STK17B: variants seen among roughly 807,000 people sequenced by gnomAD.
The protein encoded by STK17B is serine/threonine kinase 17b.
STK17B carries 21 observed loss-of-function variants against 42.0 expected under a neutral mutation model. The ratio of observed to expected loss-of-function variants is 0.50; its 90% CI spans 0.35 to 0.72. The LOEUF is 0.72. Ranked by LOEUF, STK17B falls within the 30% of genes least tolerant of loss-of-function variation. The probability of loss-of-function intolerance (pLI) is 0.00; values close to 1 mark genes in which losing one functional copy is unlikely to be tolerated. For missense variants in STK17B, 349 were observed against 446.0 expected (o/e 0.78, Z 1.96); for synonymous variants, 143 against 148.4 (o/e 0.96, Z 0.26).
At chr2:196,152,579 A>G (rs1161309581) in intron 3 of STK17B, among the ~76,000 whole-genome samples, 1 of 152,370 alleles carries the variant, frequency 6.6e-6, no homozygotes, top group East Asian at 1.9e-4. Context: ...GACTAAAGCA[A>G]GATCCAACCA....
intron 2 of STK17B, among the ~76,000 whole-genome samples, chr2:196,160,750 C>T (rs1345554476): frequency 6.6e-6 from 1 of 152,156 alleles, no homozygotes; most frequent in Non-Finnish European, 1.5e-5. Flanking sequence ...GTTACTTGGT[C>T]TCTTTCATAA....
At chr2:196,162,399 T>G (rs1699822699) in intron 2 of STK17B, among the ~76,000 whole-genome samples, 1 of 150,696 alleles carries the variant, frequency 6.6e-6, no homozygotes, top group Non-Finnish European at 1.5e-5. Context: ...AATCTCCCTA[T>G]TTCTTCTTCT....
intron 1 of STK17B, among the ~76,000 whole-genome samples, chr2:196,165,351 C>T (rs1472346583): frequency 1.3e-5 from 2 of 152,072 alleles, no homozygotes; most frequent in Admixed American, 6.6e-5. Context: ...TCTGTTAAGT[C>T]GCCTGATCTG....
At chr2:196,155,562 AC>A (rs1407876548) in intron 3 of STK17B, among the ~76,000 whole-genome samples, 1 of 152,026 alleles carries the variant, frequency 6.6e-6, no homozygotes, top group African/African-American at 2.4e-5. Context: ...AGTTAGCAAT[AC>A]ATTTTTTACT....
In STK17B at chr2:196,136,241, T is replaced by C. The variant is rs1699402935; in HGVS notation, c.*1206A>G. 6.6e-6 allele frequency: 1 copy of C among 152,152 alleles called. No homozygotes were observed. The highest frequency in any genetic ancestry group is 1.5e-5 in the Non-Finnish European group (1 of 68,020). The allele number at this position is 152,152 out of a possible 1,614,324, so 9.4% of individuals were successfully genotyped here. A position where few individuals can be genotyped will look rare whatever the true frequency, so the allele number is the denominator to read the frequency against. ...AAAAGATTACCCGAAAAGGACTAAC[T>C]TTCCCCATCATTAGGGCTGGATATA... is the stretch of plus-strand genomic sequence containing the variant. On this transcript the variant is annotated 3_prime_UTR_variant, in exon 8 of 8. Transcript: ENST00000263955.
intron 7 of STK17B, 148 bp downstream of exon 7, chr2:196,139,472 C>A (rs1007247468): frequency 2.4e-5 from 10 of 417,178 alleles, no homozygotes; most frequent in African/African-American, 2.1e-4. Flanking sequence ...ATTGCTCATA[C>A]CACCTATTTT....
Position 196,134,889 on chromosome 2 carries a change from T to C in STK17B, c.*2558A>G, listed in dbSNP as rs568072584. 12 of 152,330 alleles carry C rather than the reference T, an allele frequency of 7.9e-5. No individual in the cohort carries two copies. Among genetic ancestry groups the C allele is most frequent in the African/African-American group, 2.2e-4 (9 of 41,576 alleles). 9.4% of individuals were successfully genotyped at this position (152,330 alleles called of 1,614,324 possible). A position where few individuals can be genotyped will look rare whatever the true frequency, so the allele number is the denominator to read the frequency against. On this transcript the variant is annotated 3_prime_UTR_variant, in exon 8 of 8. Coordinates refer to ENST00000263955, the MANE Select transcript of STK17B (RefSeq NM_004226.4). The stretch of plus-strand genomic sequence containing the variant: ...AATCTTGGGAGAAAAAGAGTAAGAA[T>C]TGAATCATTTGCTAAAAAGCTCTTA...
intron 4 of STK17B, 54 bp downstream of exon 4, chr2:196,145,857 T>C: frequency 6.7e-7 from 1 of 1,501,752 alleles, no homozygotes; most frequent in Admixed American, 2.4e-5. Context: ...CTGTGCATAC[T>C]AAGAGCAGAA....
chr2:196,147,003 G>A (rs1166628523), intron 3 of STK17B, among the ~76,000 whole-genome samples: 3 of 152,166 alleles, frequency 2.0e-5, no homozygotes, highest in East Asian at 3.9e-4. Context: ...ATGAATTATC[G>A]AAACATAAAT....
chr2:196,152,949 T>C (rs993440310), intron 3 of STK17B: 1 of 152,056 alleles, frequency 6.6e-6, no homozygotes, highest in Non-Finnish European at 1.5e-5. Flanking sequence ...TTATTTATTT[T>C]TTATTTTTTT....
chr2:196,148,113 A>G (rs1224053813), intron 3 of STK17B, among the ~76,000 whole-genome samples: 1 of 152,258 alleles, frequency 6.6e-6, no homozygotes. Context: ...TTAAATTTAT[A>G]GTAGTGAACT....
chr2:196,158,297 A>G (rs1305977762), intron 2 of STK17B, among the ~76,000 whole-genome samples: 2 of 152,214 alleles, frequency 1.3e-5, no homozygotes, highest in Non-Finnish European at 2.9e-5. Context: ...CCTACTTTTT[A>G]TTACCCAAAT....
intron 3 of STK17B, among the ~76,000 whole-genome samples, chr2:196,149,163 A>ATTT (rs58482045): frequency 7.0e-6 from 1 of 143,634 alleles, no homozygotes; most frequent in Non-Finnish European, 1.5e-5. Context: ...GATAACAGCT[A>ATTT]TTTTTTTTTT....
At chr2:196,148,652 A>G (rs1324654097) in intron 3 of STK17B, among the ~76,000 whole-genome samples, 1 of 152,172 alleles carries the variant, frequency 6.6e-6, no homozygotes, top group Non-Finnish European at 1.5e-5. Context: ...CACCCCCTAA[A>G]TATATAAAAA....
chr2:196,138,047 C>A (rs1699433031), intron 7 of STK17B, among the ~76,000 whole-genome samples: 1 of 152,144 alleles, frequency 6.6e-6, no homozygotes, highest in Admixed American at 6.6e-5. Flanking sequence ...TTGAAATTTA[C>A]CCCAAATCTC....
At chr2:196,164,045 TA>T (rs780457895) in intron 1 of STK17B, among the ~76,000 whole-genome samples, 8 of 150,476 alleles carry the variant, frequency 5.3e-5, no homozygotes, top group Non-Finnish European at 1.0e-4. Context: ...TCTCAATAAA[TA>T]AATAAATAAA....
intron 2 of STK17B, 142 bp from the exon 3 acceptor site, chr2:196,156,793 T>G (rs1699745428): frequency 2.9e-6 from 2 of 693,068 alleles, no homozygotes; most frequent in Admixed American, 3.1e-5. Flanking sequence ...TTCTCTAAAT[T>G]GATTCAAATA....
intron 1 of STK17B, among the ~76,000 whole-genome samples, chr2:196,164,789 G>A (rs981980118): frequency 3.3e-5 from 5 of 152,140 alleles, no homozygotes; most frequent in East Asian, 1.9e-4. Context: ...CAGCCTGGGC[G>A]ATAGATGGAG....
At chr2:196,148,141 A>G (rs1699610010) in intron 3 of STK17B, among the ~76,000 whole-genome samples, 1 of 152,218 alleles carries the variant, frequency 6.6e-6, no homozygotes, top group Admixed American at 6.5e-5. Flanking sequence ...AAGGTATAGA[A>G]AGACAATTTT....
Sources: gnomAD v4.1 joint callset for allele counts (sites outside exome capture counted in the v4.1 genomes callset) on GRCh38, gnomAD v4.1.1 for gene constraint, MANE v1.5 for transcripts, NCBI Gene and HGNC (gene_info 2026-07-23, HGNC 2026-07-21) for gene names.